Variants in CTXND2 observed in about 807,000 individuals in gnomAD.
CTXND2 encodes cortexin domain containing 2.
chr1:150,909,237 CAAAAAAA>C, intron 1 of CTXND2, among the ~76,000 whole-genome samples: 1 of 82,050 alleles, frequency 1.2e-5, no homozygotes, highest in South Asian at 4.0e-4. Context: ...GACTCCTTCT[CAAAAAAA>C]AAAAAAAAAA....
intron 1 of CTXND2, among the ~76,000 whole-genome samples, chr1:150,895,927 T>G (rs1668909767): frequency 6.6e-6 from 1 of 152,212 alleles, no homozygotes; most frequent in South Asian, 2.1e-4. Flanking sequence ...ATGCCAGCAT[T>G]GCCCTAACCA....
intron 1 of CTXND2, among the ~76,000 whole-genome samples, chr1:150,902,196 T>A (rs1341717917): frequency 6.6e-6 from 1 of 151,930 alleles, no homozygotes; most frequent in Non-Finnish European, 1.5e-5. Context: ...GGTCAGGATA[T>A]TGAGACCATC....
At chr1:150,899,233 A>C (rs1336441023) in intron 1 of CTXND2, among the ~76,000 whole-genome samples, 1 of 152,018 alleles carries the variant, frequency 6.6e-6, no homozygotes, top group East Asian at 1.9e-4. Flanking sequence ...TTGAGGCCAG[A>C]ACTTCAGCCT....
At chr1:150,893,525 C>T (rs587602791) in intron 1 of CTXND2, among the ~76,000 whole-genome samples, 2 of 152,158 alleles carry the variant, frequency 1.3e-5, no homozygotes, top group Admixed American at 6.5e-5. Context: ...GTGATGCTAT[C>T]ATGGTTCACT....
At chr1:150,895,626 C>T (rs78132593) in intron 1 of CTXND2, among the ~76,000 whole-genome samples, 4 of 152,048 alleles carry the variant, frequency 2.6e-5, no homozygotes, top group Admixed American at 6.6e-5. Context: ...TGATTACAGG[C>T]GTGAGCCACT....
intron 1 of CTXND2, among the ~76,000 whole-genome samples, chr1:150,900,658 A>G (rs200199002): frequency 1.6e-5 from 1 of 63,648 alleles, no homozygotes; most frequent in South Asian, 9.4e-4. Context: ...AAAACAAACC[A>G]AAAAAAAACC....
chr1:150,894,037 C>T (rs997356059), intron 1 of CTXND2, among the ~76,000 whole-genome samples: 6 of 151,748 alleles, frequency 4.0e-5, no homozygotes, highest in Admixed American at 2.0e-4. Context: ...AGGCTGGTCT[C>T]GAACTCCTGG....
At chr1:150,904,274 AT>A in intron 1 of CTXND2, 3 of 483,978 alleles carry the variant, frequency 6.2e-6, no homozygotes, top group South Asian at 4.9e-5. Flanking sequence ...CATGTGTACC[AT>A]ACTTTAACAG....
intron 1 of CTXND2, among the ~76,000 whole-genome samples, chr1:150,892,595 A>G (rs1668867464): frequency 1.4e-5 from 2 of 142,702 alleles, no homozygotes; most frequent in Non-Finnish European, 3.0e-5. Context: ...TTGCAGTGGT[A>G]TGAAATGAAC....
chr1:150,892,427 C>T (rs1020647626), intron 1 of CTXND2, among the ~76,000 whole-genome samples: 2 of 152,030 alleles, frequency 1.3e-5, no homozygotes, highest in Non-Finnish European at 2.9e-5. Context: ...ATACCTACCC[C>T]GTTGTCATAA....
At chr1:150,888,325 T>C (rs896150455) in intron 1 of CTXND2, among the ~76,000 whole-genome samples, 1 of 151,472 alleles carries the variant, frequency 6.6e-6, no homozygotes, top group Non-Finnish European at 1.5e-5. Flanking sequence ...GCAATTCTCC[T>C]GCCTCAGCCT....
At chr1:150,903,630 G>A (rs34646345) in intron 1 of CTXND2, among the ~76,000 whole-genome samples, 3 of 151,486 alleles carry the variant, frequency 2.0e-5, no homozygotes, top group Admixed American at 6.6e-5. Flanking sequence ...ACACCCCGTC[G>A]CTACTAAAAA....
At chr1:150,887,429 T>G (rs1344079869) in intron 1 of CTXND2, 116 bp downstream of exon 1, 1 of 150,414 alleles carries the variant, frequency 6.6e-6, no homozygotes, top group African/African-American at 2.4e-5. Flanking sequence ...GGGAAATGAC[T>G]GAAGGAAGTA....
At chr1:150,894,393 G>T (rs1310386007) in intron 1 of CTXND2, among the ~76,000 whole-genome samples, 7 of 152,144 alleles carry the variant, frequency 4.6e-5, no homozygotes, top group Non-Finnish European at 7.4e-5. Context: ...AATCAAGCTT[G>T]TTAATTGTAT....
intron 1 of CTXND2, among the ~76,000 whole-genome samples, chr1:150,908,027 T>C (rs1042111836): frequency 6.8e-6 from 1 of 146,848 alleles, no homozygotes; most frequent in Non-Finnish European, 1.5e-5. Context: ...TTTTTTTTTT[T>C]AGACAGTGTC....
chr1:150,897,764 T>C (rs1216026031), intron 1 of CTXND2, among the ~76,000 whole-genome samples: 1 of 152,190 alleles, frequency 6.6e-6, no homozygotes, highest in Middle Eastern at 3.2e-3. Flanking sequence ...ATAATATATA[T>C]ATACACCCAA....
At chr1:150,895,884 G>A (rs189861492) in intron 1 of CTXND2, among the ~76,000 whole-genome samples, 1 of 152,200 alleles carries the variant, frequency 6.6e-6, no homozygotes, top group Admixed American at 6.5e-5. Flanking sequence ...AGCAGTGCTC[G>A]GCAACAGCAG....
chr1:150,891,519 G>C (rs1296995349), intron 1 of CTXND2, among the ~76,000 whole-genome samples: 1 of 152,094 alleles, frequency 6.6e-6, no homozygotes, highest in Non-Finnish European at 1.5e-5. Context: ...GGCCTTATCT[G>C]ATATTTCTAA....
chr1:150,893,734 C>G (rs1004702366), intron 1 of CTXND2, among the ~76,000 whole-genome samples: 8 of 152,066 alleles, frequency 5.3e-5, no homozygotes, highest in Admixed American at 4.6e-4. Flanking sequence ...GCTGGGATTA[C>G]AGGTATGAGC....
Sources: allele counts gnomAD v4.1 joint callset (sites outside exome capture counted in the v4.1 genomes callset), GRCh38; gene constraint gnomAD v4.1.1; transcripts MANE v1.5; gene names NCBI Gene and HGNC (gene_info 2026-07-23, HGNC 2026-07-21).